The following PITRM1 variants were observed in gnomAD, a reference collection of about 807,000 sequenced individuals.
PITRM1 encodes pitrilysin metallopeptidase 1.
PITRM1 carries 100 observed loss-of-function variants against 129.9 expected under a neutral mutation model. That is an observed-to-expected ratio of 0.77 (90% CI 0.65 to 0.91). The LOEUF (loss-of-function observed/expected upper bound fraction) is 0.91, where lower values mean the gene tolerates loss of function less well. Among genes scored for constraint, PITRM1 ranks in the 40% least tolerant of loss-of-function variants. PITRM1 has a pLI of 0.00. For synonymous variants in PITRM1, 591 were observed against 508.8 expected (o/e 1.16, Z -2.17); for missense variants, 1,471 against 1,318.3 (o/e 1.12, Z -1.79).
chr10:3,157,219 A>C (rs890948379), intron 12 of PITRM1, 155 bp from the exon 13 acceptor site: 2 of 779,474 alleles, frequency 2.6e-6, no homozygotes, highest in Non-Finnish European at 3.9e-6. Flanking sequence ...TGGATGGAGA[A>C]ACAAAAAAAC....
Position 3,171,147 on chromosome 10 carries a change from T to TAAAAAAAAAAAAA in PITRM1, c.57-954_57-942dup, listed in dbSNP as rs1169315061. Reference sequence around the variant, plus strand: ...ATAAAGTGCGGACTAATCGTTCAATTAAAAAAAAAAAAAAAAAAAAAAAAA... The same window carrying TAAAAAAAAAAAAA: ...ATAAAGTGCGGACTAATCGTTCAATTAAAAAAAAAAAAAAAAAAAAAAAAAAAAAAAAAAAAAA... On this transcript the variant is annotated intron_variant, in intron 1 of 26. Coordinates refer to ENST00000224949, the MANE Select transcript of PITRM1 (RefSeq NM_014889.4). 4.1e-5 allele frequency among the ~76,000 whole-genome samples: 2 copies of TAAAAAAAAAAAAA among 49,204 alleles called. 1 individual carries two copies. The allele number at this position is 49,204 out of a possible 152,430, so 32.3% of individuals were successfully genotyped here.
chr10:3,169,058 A>G (rs113342957), intron 2 of PITRM1, among the ~76,000 whole-genome samples: 6,075 of 152,152 alleles, frequency 0.04, 401 homozygotes, highest in African/African-American at 0.13. Flanking sequence ...CCAAGATCAT[A>G]CCACCACACT....
At chr10:3,160,037 C>A (rs1364806143) in intron 8 of PITRM1, 101 bp from the exon 9 acceptor site, 2 of 1,234,908 alleles carry the variant, frequency 1.6e-6, no homozygotes, top group Middle Eastern at 1.9e-4. Flanking sequence ...AGGCTTTCCA[C>A]TAAGTTAACT....
chr10:3,152,708 G>A (rs185918493), intron 14 of PITRM1, among the ~76,000 whole-genome samples: 8 of 152,294 alleles, frequency 5.3e-5, no homozygotes, highest in African/African-American at 1.9e-4. Flanking sequence ...CCGACCTCAC[G>A]CCACTCGGAG....
At chr10:3,168,836 G>C (rs191234649) in intron 2 of PITRM1, among the ~76,000 whole-genome samples, 1 of 151,800 alleles carries the variant, frequency 6.6e-6, no homozygotes, top group East Asian at 1.9e-4. Context: ...ATAGCAGTGT[G>C]AGACTAGACT....
intron 7 of PITRM1, among the ~76,000 whole-genome samples, chr10:3,161,311 A>C (rs1842422715): frequency 1.3e-5 from 2 of 152,246 alleles, no homozygotes; most frequent in African/African-American, 2.4e-5. Flanking sequence ...ACAATTTCAC[A>C]AAACTCAATT....
chr10:3,143,318 G>GCT, intron 23 of PITRM1, 71 bp downstream of exon 23: 1 of 969,084 alleles, frequency 1.0e-6, no homozygotes, highest in Non-Finnish European at 1.7e-6. Flanking sequence ...CACGCCCTGT[G>GCT]AACTCGAACA....
chr10:3,146,529 C>T (rs781016349), intron 20 of PITRM1: 2 of 152,418 alleles, frequency 1.3e-5, no homozygotes, highest in Admixed American at 6.5e-5. Flanking sequence ...AGACCCTGAT[C>T]GCCAGGCTTC....
At chr10:3,141,797 GTTC>G in intron 23 of PITRM1, 1 of 349,434 alleles carries the variant, frequency 2.9e-6, no homozygotes, top group Non-Finnish European at 6.1e-6. Flanking sequence ...GAGTGGGCGT[GTTC>G]CCAGGGGCTG....
At chr10:3,167,284 A>AGCGC (rs1842950265) in intron 2 of PITRM1, among the ~76,000 whole-genome samples, 2 of 148,976 alleles carry the variant, frequency 1.3e-5, no homozygotes, top group Admixed American at 1.3e-4. Flanking sequence ...AAAGAGAGAG[A>AGCGC]GAGCGAGCGA....
intron 16 of PITRM1, chr10:3,149,420 T>C (rs900143731): frequency 1.4e-4 from 67 of 469,568 alleles, no homozygotes; most frequent in Non-Finnish European, 2.3e-4. Context: ...ATACCGTAGA[T>C]TCATAACTAT....
rs760802876 is a variant in PITRM1, at chr10:3,139,031, C to T, written c.2790G>A (p.Glu930=). ...LYSYRDPNTI[E]TLQSFGKAVD... is the part of the protein sequence containing the mutation. ...CAGCCTTCCCAAAAGACTGGAGCGT[C>T]TCTATTGTATTTGGGTCCCTAGGAA... The change falls in exon 25 of 27, where the codon GAG becomes GAA. Residue 930 remains glutamate, a synonymous_variant. Transcript: ENST00000224949. 1.9e-6 allele frequency: 3 copies of T among 1,613,956 alleles called. No individual in the cohort carries two copies. The highest frequency in any genetic ancestry group is 2.5e-6 in the Non-Finnish European group (3 of 1,179,844).
In PITRM1 at chr10:3,166,339, G is replaced by A. The variant is rs781434849; in HGVS notation, c.308C>T (p.Pro103Leu). 3.5e-6 allele frequency: 5 copies of A among 1,434,932 alleles called. No homozygotes were observed. The African/African-American group carries it at 5.3e-5, about 15-fold the overall frequency. 88.9% of individuals were successfully genotyped at this position (1,434,932 alleles called of 1,614,324 possible). A position where few individuals can be genotyped will look rare whatever the true frequency, so the allele number is the denominator to read the frequency against. Residue 103 changes from proline (P) to leucine (L), a missense_variant, in exon 4 of 27, where the codon CCT becomes CTT. Transcript: ENST00000224949. ...RTTPMDSTGV[P>L]HILEHTVLCG... is the part of the protein sequence containing the mutation. ...AAGGACGGTATGCTCAAGAATGTGA[G>A]GAACACCAGTACTGTCCATGGGAGT...
In PITRM1 at chr10:3,140,729, G is replaced by A. The variant is rs1448060697; in HGVS notation, c.2729C>T (p.Ala910Val). Reference protein sequence around the residue: ...REKGGAYGGGAKLSHNGIFTL... With the variant: ...REKGGAYGGGVKLSHNGIFTL... Reference sequence around the variant, plus strand: ...GAAAATCCCATTGTGGCTGAGTTTTGCGCCTCCACCATAAGCACCGCCTTT... The same window carrying A: ...GAAAATCCCATTGTGGCTGAGTTTTACGCCTCCACCATAAGCACCGCCTTT... The change falls in exon 24 of 27, where the codon GCA (alanine) becomes GTA (valine). Residue 910 changes from alanine to valine, a missense_variant. Transcript: ENST00000224949. 1.9e-6 allele frequency: 3 copies of A among 1,597,898 alleles called. No homozygotes were observed. Among genetic ancestry groups the A allele is most frequent in the East Asian group, 2.2e-5 (1 of 44,522 alleles).
chr10:3,138,306 A>G lies in PITRM1; in HGVS notation c.2949T>C (p.Asp983=), dbSNP rs1249459845. ...GMDHFLYGLS[D]EMKQAHREQL... ...GCTCTCTGTGGGCCTGCTTCATCTCATCCGAGAGGCCGTACAAGAAGTGGT... is the reference window on the plus strand; with the variant it reads ...GCTCTCTGTGGGCCTGCTTCATCTCGTCCGAGAGGCCGTACAAGAAGTGGT... Residue 983 remains aspartate (D), a synonymous_variant, in exon 26 of 27, where the codon GAT becomes GAC. Transcript: ENST00000224949. 6.2e-7 allele frequency: 1 copy of G among 1,613,176 alleles called. No homozygotes were observed. Among genetic ancestry groups the G allele is most frequent in the East Asian group, 2.2e-5 (1 of 44,874 alleles).
rs1427084355 is a variant in PITRM1, at chr10:3,149,706, C to A, written c.1786G>T (p.Val596Leu). The A allele has an allele frequency of 1.2e-6, 2 of 1,612,050 alleles. No individual in the cohort carries two copies. Among genetic ancestry groups the A allele is most frequent in the African/African-American group, 2.7e-5 (2 of 74,818 alleles). ...AGGCTGGAGAAGGCCCGGAAATACA[C>A]CATGCCATTGGTGGGCTGGGCGCAG... ...QYCAQPTNGM[V>L]YFRAFSSLNT... The change falls in exon 16 of 27, where the codon GTG becomes TTG. Residue 596 changes from valine (V) to leucine (L), a missense_variant. Transcript: ENST00000224949.
intron 9 of PITRM1, 99 bp from the exon 10 acceptor site, chr10:3,159,141 T>C (rs1351356545): frequency 7.6e-6 from 8 of 1,055,610 alleles, no homozygotes; most frequent in African/African-American, 1.6e-5. Context: ...CACATCTTTC[T>C]AGAAATTCTT....
chr10:3,150,370 A>G (rs1308111991), intron 15 of PITRM1, among the ~76,000 whole-genome samples: 1 of 152,242 alleles, frequency 6.6e-6, no homozygotes, highest in East Asian at 1.9e-4. Context: ...CAGATCAGAG[A>G]GATGTCAGCC....
At chr10:3,165,616 G>C in intron 4 of PITRM1, 89 bp from the exon 5 acceptor site, 1 of 803,306 alleles carries the variant, frequency 1.2e-6, no homozygotes, top group Admixed American at 2.2e-5. Flanking sequence ...CTTTGTCCTA[G>C]GACAGTAAGC....
Sources: gnomAD v4.1 joint callset for allele counts (sites outside exome capture counted in the v4.1 genomes callset) on GRCh38, gnomAD v4.1.1 for gene constraint, MANE v1.5 for transcripts, NCBI Gene and HGNC (gene_info 2026-07-23, HGNC 2026-07-21) for gene names.